The following SMCHD1 variants were observed in gnomAD, a reference collection of about 807,000 sequenced individuals.
SMCHD1 encodes structural maintenance of chromosomes flexible hinge domain-containing protein 1.
Under a neutral mutation model 254.7 loss-of-function variants are expected in SMCHD1, and 78 were observed. The ratio of observed to expected loss-of-function variants is 0.31; its 90% CI spans 0.26 to 0.37. The LOEUF is 0.37. Among genes scored for constraint, SMCHD1 ranks in the 10% least tolerant of loss-of-function variants. The pLI, the probability that SMCHD1 is intolerant of heterozygous loss-of-function variation, is 1.00. For missense variants in SMCHD1, 1,840 were observed against 2,408.1 expected, an observed-to-expected ratio of 0.76 and a Z score of 4.94; for synonymous variants, 766 against 794.9, an observed-to-expected ratio of 0.96 and a Z score of 0.61.
chr18:2,655,826 C>T lies in SMCHD1; in HGVS notation c.-250C>T. The T allele has an allele frequency of 3.0e-6, 1 of 335,518 alleles. No homozygotes were observed. Among genetic ancestry groups the T allele is most frequent in the South Asian group, 1.5e-4 (1 of 6,480 alleles). 20.8% of individuals were successfully genotyped at this position (335,518 alleles called of 1,614,324 possible). A position where few individuals can be genotyped will look rare whatever the true frequency, so the allele number is the denominator to read the frequency against. ...CCCGGTGAGGAGCGCGCCGCGCGTC[C>T]CCTTCTCCTCAGGAGTGGCGGGCCG... On this transcript the variant is annotated 5_prime_UTR_variant, in exon 1 of 48. Coordinates refer to ENST00000320876, the MANE Select transcript of SMCHD1 (RefSeq NM_015295.3).
In SMCHD1 at chr18:2,747,715, G is replaced by C. The variant is rs986800001; in HGVS notation, c.3927+68G>C. ...TTTCATTTTCATGATAGTATCTTTA[G>C]CTGTCATATTGCTTCTTTTCTAAAA... On this transcript the variant is annotated intron_variant, in intron 30 of 47. Coordinates refer to ENST00000320876, the MANE Select transcript of SMCHD1 (RefSeq NM_015295.3). 1.2e-5 allele frequency: 15 copies of C among 1,207,818 alleles called. 1 individual carries two copies. Among genetic ancestry groups the C allele is most frequent in the Non-Finnish European group, 1.7e-5 (15 of 880,638 alleles). 74.8% of individuals were successfully genotyped at this position (1,207,818 alleles called of 1,614,324 possible).
intron 32 of SMCHD1, 84 bp downstream of exon 32, chr18:2,750,591 G>A: frequency 8.5e-7 from 1 of 1,181,770 alleles, no homozygotes; most frequent in East Asian, 2.6e-5. Flanking sequence ...CCTAGGTTAA[G>A]TGTGCTCAGT....
At chr18:2,668,766 G>A (rs2073510337) in intron 3 of SMCHD1, among the ~76,000 whole-genome samples, 2 of 151,940 alleles carry the variant, frequency 1.3e-5, no homozygotes, top group African/African-American at 4.8e-5. Context: ...CTGTACCCAC[G>A]CTCTTATGGT....
intron 1 of SMCHD1, among the ~76,000 whole-genome samples, chr18:2,662,175 A>T (rs187307242): frequency 0.032 from 3,158 of 98,962 alleles, 217 homozygotes; most frequent in East Asian, 0.11. Flanking sequence ...CAAAAAAAAA[A>T]AAATAAAATA....
At chr18:2,787,370 G>A (rs558261670) in intron 45 of SMCHD1, among the ~76,000 whole-genome samples, 91 of 152,216 alleles carry the variant, frequency 6.0e-4, no homozygotes, top group Non-Finnish European at 1.1e-3. Flanking sequence ...CATGAGCTTT[G>A]GTGGGGACAA....
In SMCHD1 at chr18:2,743,803, C is replaced by A. The variant is rs780058517; in HGVS notation, c.3676C>A (p.Pro1226Thr). 8.1e-6 allele frequency: 13 copies of A among 1,612,862 alleles called. No individual in the cohort carries two copies. Among genetic ancestry groups the A allele is most frequent in the Non-Finnish European group, 9.3e-6 (11 of 1,179,422 alleles). Residue 1226 changes from proline (P) to threonine (T), a missense_variant, in exon 29 of 48, where the codon CCA (proline) becomes ACA (threonine). Around this residue, in one of 9 missense-constraint regions of SMCHD1, gnomAD observed 881 missense variants for 1,009.5 expected, o/e 0.87. Transcript: ENST00000320876. ...SISVRGIKFI[P>T]GPPGNKDLCF... ...AAGTGTAAGAGGCATCAAATTTATT[C>A]CAGGTCCTCCTGGAAATAAGGATCT...
chr18:2,762,008 AT>A (rs2075794223), intron 35 of SMCHD1, 96 bp from the exon 36 acceptor site: 2 of 936,864 alleles, frequency 2.1e-6, no homozygotes, highest in Admixed American at 4.9e-5. Flanking sequence ...GTAACATTTA[AT>A]TTTATTTAGT....
intron 44 of SMCHD1, 46 bp downstream of exon 44, chr18:2,778,285 G>A (rs763216168): frequency 3.0e-6 from 4 of 1,322,856 alleles, no homozygotes; most frequent in South Asian, 2.5e-5. Context: ...CAGTTTTAAT[G>A]TGTATCATGT....
rs2075947852 is a variant in SMCHD1 at position 2,769,969 on chromosome 18, A to G, written c.4847-20A>G. ...AGTCAGTTTTTAAATTATTTAAATT[A>G]TCTCAATTTTTTTTCTTAGATGTTA... On this transcript the variant is annotated intron_variant, in intron 38 of 47. Coordinates refer to ENST00000320876, the MANE Select transcript of SMCHD1 (RefSeq NM_015295.3). 4 of 1,568,324 alleles carry G rather than the reference A, an allele frequency of 2.6e-6. No homozygotes were observed. The highest frequency in any genetic ancestry group is 1.4e-5 in the African/African-American group (1 of 72,052).
chr18:2,744,830 G>GTTTTGTTTTGTTTTGT (rs2075420522), intron 29 of SMCHD1, among the ~76,000 whole-genome samples: 1 of 151,590 alleles, frequency 6.6e-6, no homozygotes, highest in Non-Finnish European at 1.5e-5. Context: ...TTTTTTGTTT[G>GTTTTGTTTTGTTTTGT]TTTTGTTTTG....
chr18:2,681,750 T>TA (rs2073934846), intron 5 of SMCHD1, among the ~76,000 whole-genome samples: 1 of 152,120 alleles, frequency 6.6e-6, no homozygotes, highest in Non-Finnish European at 1.5e-5. Flanking sequence ...GGTATGACAT[T>TA]AGTTAGGTCA....
chr18:2,782,039 A>T (rs1426846102), intron 44 of SMCHD1, among the ~76,000 whole-genome samples: 1 of 152,236 alleles, frequency 6.6e-6, no homozygotes, highest in African/African-American at 2.4e-5. Context: ...AAAAAGGAAT[A>T]GAATTTGTTC....
intron 45 of SMCHD1, among the ~76,000 whole-genome samples, chr18:2,791,109 A>G (rs1489372324): frequency 2.6e-5 from 4 of 152,368 alleles, no homozygotes; most frequent in Non-Finnish European, 5.9e-5. Context: ...GTAAGCAGTT[A>G]GAAGATATAA....
At chr18:2,746,067 A>C (rs1214844296) in intron 29 of SMCHD1, among the ~76,000 whole-genome samples, 1 of 152,166 alleles carries the variant, frequency 6.6e-6, no homozygotes, top group African/African-American at 2.4e-5. Flanking sequence ...CATGCCTTGT[A>C]ATCCCAACAC....
chr18:2,707,017 G>T (rs532990645), intron 15 of SMCHD1, among the ~76,000 whole-genome samples: 1 of 152,124 alleles, frequency 6.6e-6, no homozygotes, highest in Non-Finnish European at 1.5e-5. Context: ...ATCAGCTCTC[G>T]TGAGAACTCA....
Position 2,763,875 on chromosome 18 carries a change from G to A in SMCHD1, c.4719+86G>A, listed in dbSNP as rs2075826279. The A allele has an allele frequency of 4.0e-6, 5 of 1,242,722 alleles. No individual in the cohort carries two copies. The African/African-American group carries it at 4.7e-5, about 12-fold the overall frequency. 77.0% of individuals were successfully genotyped at this position (1,242,722 alleles called of 1,614,324 possible). On this transcript the variant is annotated intron_variant, in intron 37 of 47. Transcript: ENST00000320876. ...ATTAAGACACCTTTTCTTTTGTATA[G>A]CTATGAAGATGTTCTAATCATAGCA...
Position 2,707,790 on chromosome 18 carries a change from T to C in SMCHD1, c.2147-17T>C. On this transcript the variant is annotated splice_polypyrimidine_tract_variant and intron_variant, in intron 16 of 47. Transcript: ENST00000320876. ...TTTTTGGGTGTAATTAAGATACTTTTAATTTTTGACTCATAGGTGCGTTAA... is the reference window on the plus strand; with the variant it reads ...TTTTTGGGTGTAATTAAGATACTTTCAATTTTTGACTCATAGGTGCGTTAA... The C allele has an allele frequency of 1.3e-6, 2 of 1,579,718 alleles. No homozygotes were observed.
In SMCHD1 at chr18:2,704,163, A is replaced by C. The variant is rs538538474; in HGVS notation, c.1842+277A>C. On this transcript the variant is annotated intron_variant, in intron 13 of 47. Transcript: ENST00000320876. ...TTAAAATTTAACAACAGTAACAACA[A>C]ATAATGCAAATATTGGCTCCTCAGG... 1.6e-3 allele frequency among the ~76,000 whole-genome samples: 241 copies of C among 152,268 alleles called. 2 individuals carry two copies. Among genetic ancestry groups the C allele is most frequent in the South Asian group, 0.011 (54 of 4,830 alleles).
chr18:2,777,758 TA>T, intron 42 of SMCHD1, 47 bp from the exon 43 acceptor site: 1 of 1,067,842 alleles, frequency 9.4e-7, no homozygotes, highest in Non-Finnish European at 1.3e-6. Context: ...TTTTTAAATT[TA>T]AAAAGTCATG....
Sources: allele counts gnomAD v4.1 joint callset (sites outside exome capture counted in the v4.1 genomes callset), GRCh38; gene constraint gnomAD v4.1.1; regional missense constraint gnomAD v4.1.1; transcripts MANE v1.5; gene names NCBI Gene and HGNC (gene_info 2026-07-23, HGNC 2026-07-21).